The following ADAMTS18 variants were observed in gnomAD, a reference collection of about 807,000 sequenced individuals.
ADAMTS18 encodes the protein A disintegrin and metalloproteinase with thrombospondin motifs 18.
In ADAMTS18, 157 loss-of-function variants were observed where a neutral mutation model predicts 165.9. The observed-to-expected ratio is 0.95, with a 90% CI of 0.83 to 1.08. ADAMTS18 has a LOEUF of 1.08. Among genes scored for constraint, ADAMTS18 ranks in the 50% least tolerant of loss-of-function variants. ADAMTS18 has a pLI of 0.00. For missense variants in ADAMTS18, 2,040 were observed against 1,534.0 expected (o/e 1.33, Z -5.51); for synonymous variants, 782 against 578.2 (o/e 1.35, Z -5.06).
chr16:77,297,061 G>T (rs1482410126), intron 18 of ADAMTS18, among the ~76,000 whole-genome samples: 1 of 152,154 alleles, frequency 6.6e-6, no homozygotes, highest in Non-Finnish European at 1.5e-5. Context: ...ACTGGAGCCT[G>T]GAACTCCTGG....
rs770331558 is a variant in ADAMTS18 at position 77,335,792 on chromosome 16, C to A, written c.1823G>T (p.Gly608Val). The change falls in exon 12 of 23, where the codon GGA becomes GTA. Residue 608 changes from glycine (G) to valine (V), a missense_variant. By Grantham distance (109) the Gly-to-Val change is moderately radical. Transcript: ENST00000282849. The stretch of plus-strand genomic sequence containing the variant: ...GCAGTGTCTCTCCTGGAACTTGACT[C>A]CTCCACCACATGTCCGGGAACATTC... The part of the protein sequence containing the change: ...WSECSRTCGG[G>V]VKFQERHCNN... 1 of 1,614,226 alleles carries A rather than the reference C, an allele frequency of 6.2e-7. No individual in the cohort carries two copies. Among genetic ancestry groups the A allele is most frequent in the Non-Finnish European group, 8.5e-7 (1 of 1,180,034 alleles).
intron 10 of ADAMTS18, among the ~76,000 whole-genome samples, chr16:77,350,071 C>G (rs1567504149): frequency 6.6e-6 from 1 of 152,180 alleles, no homozygotes; most frequent in Non-Finnish European, 1.5e-5. Flanking sequence ...GCTTGGGACC[C>G]TCTGACAAAC....
chr16:77,339,785 A>G (rs2056371208), intron 11 of ADAMTS18, among the ~76,000 whole-genome samples: 1 of 151,940 alleles, frequency 6.6e-6, no homozygotes, highest in Non-Finnish European at 1.5e-5. Context: ...CCCTAAGACC[A>G]CTATCGGATT....
rs748070325 is a variant in ADAMTS18, at chr16:77,321,221, A to G, written c.2164-19T>C. Reference sequence around the variant, plus strand: ...CCACTAGCTGTGACAAAAACAAAAAACGTGAGAAAATAAAAGATCAGAGAA... The same window carrying G: ...CCACTAGCTGTGACAAAAACAAAAAGCGTGAGAAAATAAAAGATCAGAGAA... On this transcript the variant is annotated intron_variant, in intron 14 of 22. Transcript: ENST00000282849. 6.8e-6 allele frequency: 11 copies of G among 1,614,022 alleles called. No homozygotes were observed. In the South Asian group the frequency reaches 1.1e-4, roughly 16 times the overall value.
intron 16 of ADAMTS18, among the ~76,000 whole-genome samples, chr16:77,315,996 C>T (rs138316458): frequency 6.6e-6 from 1 of 152,280 alleles, no homozygotes; most frequent in East Asian, 1.9e-4. Flanking sequence ...GTAAAACCAT[C>T]CTCCAGATGC....
chr16:77,296,733 T>C (rs908153871), intron 18 of ADAMTS18, among the ~76,000 whole-genome samples: 2 of 152,084 alleles, frequency 1.3e-5, no homozygotes, highest in African/African-American at 2.4e-5. Flanking sequence ...GGCACAATAA[T>C]TGCTTGAATC....
intron 3 of ADAMTS18, among the ~76,000 whole-genome samples, chr16:77,417,679 G>A (rs1446246979): frequency 2.6e-5 from 4 of 152,202 alleles, no homozygotes; most frequent in Non-Finnish European, 5.9e-5. Flanking sequence ...ATGTATACAT[G>A]TGCCATGCTG....
At chr16:77,307,618 T>A (rs2055704809) in intron 16 of ADAMTS18, among the ~76,000 whole-genome samples, 1 of 152,224 alleles carries the variant, frequency 6.6e-6, no homozygotes, top group African/African-American at 2.4e-5. Flanking sequence ...TGGCAATCTC[T>A]AGACAAATGA....
At chr16:77,358,501 G>T (rs1219745546) in intron 8 of ADAMTS18, among the ~76,000 whole-genome samples, 1 of 152,176 alleles carries the variant, frequency 6.6e-6, no homozygotes, top group African/African-American at 2.4e-5. Flanking sequence ...GGCGGAGGTT[G>T]CAGCGAGCCG....
chr16:77,403,022 C>A (rs1198372904), intron 3 of ADAMTS18, among the ~76,000 whole-genome samples: 1 of 152,138 alleles, frequency 6.6e-6, no homozygotes, highest in Non-Finnish European at 1.5e-5. Context: ...CAAACAGTAG[C>A]CACTATATTA....
At chr16:77,381,631 G>T (rs1484696564) in intron 3 of ADAMTS18, among the ~76,000 whole-genome samples, 1 of 151,882 alleles carries the variant, frequency 6.6e-6, no homozygotes, top group Non-Finnish European at 1.5e-5. Context: ...GTGAAACCTC[G>T]TCTCTACTAA....
intron 3 of ADAMTS18, among the ~76,000 whole-genome samples, chr16:77,373,958 C>T (rs1404934300): frequency 6.6e-6 from 1 of 152,158 alleles, no homozygotes. Context: ...GTGGCTCACA[C>T]TTGTAATCCC....
intron 3 of ADAMTS18, among the ~76,000 whole-genome samples, chr16:77,429,160 C>T (rs140319957): frequency 9.0e-4 from 137 of 152,250 alleles, no homozygotes; most frequent in African/African-American, 3.0e-3. Flanking sequence ...GCACTATTCA[C>T]CATAGCAAGG....
rs2055315375 is a variant in ADAMTS18, at chr16:77,289,255, C to T, written c.3550+9G>A. 6.2e-7 allele frequency: 1 copy of T among 1,614,054 alleles called. No individual in the cohort carries two copies. The highest frequency in any genetic ancestry group is 8.5e-7 in the Non-Finnish European group (1 of 1,179,944). ...TAGTAAAGTTGACTGGAGCATGGTG[C>T]CTTTTTACCTCTCTTTTCAGGAGCT... is the stretch of plus-strand genomic sequence containing the variant. On this transcript the variant is annotated intron_variant, in intron 22 of 22. Transcript: ENST00000282849.
chr16:77,370,380 G>A lies in ADAMTS18; in HGVS notation c.496-2657C>T, dbSNP rs376122725. On this transcript the variant is annotated intron_variant, in intron 3 of 22. Coordinates refer to ENST00000282849, the MANE Select transcript of ADAMTS18 (RefSeq NM_199355.4). ...ACTATTAGAATAGAGGAACACAGTA[G>A]AGTTGTAGGACGCAAAAATCAACAC... Among the ~76,000 whole-genome samples the A allele has an allele frequency of 3.3e-5, 5 of 152,184 alleles. No individual in the cohort carries two copies. In the South Asian group the frequency reaches 1.0e-3, roughly 32 times the overall value.
intron 11 of ADAMTS18, among the ~76,000 whole-genome samples, chr16:77,337,500 A>C (rs1290926563): frequency 6.6e-6 from 1 of 152,190 alleles, no homozygotes; most frequent in African/African-American, 2.4e-5. Flanking sequence ...GAGTGACACA[A>C]ACTACCCAAA....
At chr16:77,371,479 C>G (rs1238880651) in intron 3 of ADAMTS18, among the ~76,000 whole-genome samples, 1 of 152,072 alleles carries the variant, frequency 6.6e-6, no homozygotes, top group African/African-American at 2.4e-5. Flanking sequence ...TAAATCTACT[C>G]ATCTACAGCC....
intron 20 of ADAMTS18, 134 bp downstream of exon 20, chr16:77,292,941 TC>T: frequency 1.9e-6 from 2 of 1,029,846 alleles, no homozygotes; most frequent in South Asian, 1.5e-5. Flanking sequence ...TGCCTCAGCC[TC>T]CCCAGTAGAT....
At position 77,346,272 on chromosome 16, in the gene ADAMTS18, G is replaced by A. The variant is rs186803928; in HGVS notation, c.1615-4473C>T. Among the ~76,000 whole-genome samples the A allele has an allele frequency of 1.9e-3, 285 of 152,158 alleles. 2 individuals carry two copies. The highest frequency in any genetic ancestry group is 5.1e-3 in the African/African-American group (213 of 41,510). ...TTGACTTATTTATAACGTTTATTGT[G>A]TTTTGTTTTCTCCCCCACTAGCCAC... On this transcript the variant is annotated intron_variant, in intron 10 of 22. Transcript: ENST00000282849.
Sources: allele counts gnomAD v4.1 joint callset (sites outside exome capture counted in the v4.1 genomes callset), GRCh38; gene constraint gnomAD v4.1.1; transcripts MANE v1.5; gene names NCBI Gene and HGNC (gene_info 2026-07-23, HGNC 2026-07-21).